The following TDRD3 variants were observed in gnomAD, a reference collection of about 807,000 sequenced individuals.
The protein encoded by TDRD3 is tudor domain containing 3.
Under a neutral mutation model 86.7 loss-of-function variants are expected in TDRD3, and 45 were observed. The observed-to-expected ratio is 0.52, with a 90% CI of 0.41 to 0.67. The LOEUF is 0.67. TDRD3 is among the 30% of genes least tolerant of loss of function. The pLI, the probability that TDRD3 is intolerant of heterozygous loss-of-function variation, is 0.00. For synonymous variants in TDRD3, 298 were observed against 301.7 expected (o/e 0.99, Z 0.13); for missense variants, 814 against 889.0 (o/e 0.92, Z 1.07).
chr13:60,549,462 T>C (rs375178352), intron 12 of TDRD3, among the ~76,000 whole-genome samples: 1 of 152,106 alleles, frequency 6.6e-6, no homozygotes, highest in East Asian at 1.9e-4. Context: ...AACATTAATA[T>C]AATCCTAAAA....
chr13:60,517,369 G>A (rs1397495716), intron 10 of TDRD3, among the ~76,000 whole-genome samples: 1 of 152,130 alleles, frequency 6.6e-6, no homozygotes, highest in Admixed American at 6.6e-5. Flanking sequence ...TAGGCTAGAT[G>A]TTATTGTGAG....
intron 5 of TDRD3, among the ~76,000 whole-genome samples, chr13:60,477,859 T>G (rs1956219307): frequency 6.6e-6 from 1 of 152,206 alleles, no homozygotes; most frequent in South Asian, 2.1e-4. Flanking sequence ...TTGCCAGATT[T>G]TGACATCAGG....
At chr13:60,510,884 C>A in intron 10 of TDRD3, 129 bp downstream of exon 10, 2 of 872,692 alleles carry the variant, frequency 2.3e-6, no homozygotes, top group South Asian at 2.6e-5. Context: ...ATAATATGAA[C>A]GTATATCCTG....
intron 10 of TDRD3, among the ~76,000 whole-genome samples, chr13:60,524,022 T>C (rs1213914810): frequency 1.3e-5 from 2 of 152,088 alleles, no homozygotes; most frequent in Non-Finnish European, 2.9e-5. Flanking sequence ...TGTACTCTGC[T>C]GACTGTACAG....
At chr13:60,529,303 T>A (rs1957528737) in intron 11 of TDRD3, 86 bp downstream of exon 11, 2 of 1,420,422 alleles carry the variant, frequency 1.4e-6, no homozygotes, top group East Asian at 2.3e-5. Context: ...ACTTTGGAAC[T>A]ATGAGTCTTT....
chr13:60,404,193 A>C (rs968231353), intron 1 of TDRD3, among the ~76,000 whole-genome samples: 1 of 152,038 alleles, frequency 6.6e-6, no homozygotes, highest in Non-Finnish European at 1.5e-5. Context: ...AAGGCACTGT[A>C]TATGTTTTCT....
intron 10 of TDRD3, among the ~76,000 whole-genome samples, chr13:60,523,069 G>A (rs1383505833): frequency 6.6e-6 from 1 of 152,104 alleles, no homozygotes; most frequent in Non-Finnish European, 1.5e-5. Context: ...AGGATTACAT[G>A]AAATTATGTA....
chr13:60,435,370 C>G (rs1417413743), intron 1 of TDRD3, among the ~76,000 whole-genome samples: 1 of 152,088 alleles, frequency 6.6e-6, no homozygotes, highest in Non-Finnish European at 1.5e-5. Context: ...ACCCATCACT[C>G]AAGCAGTGTA....
intron 12 of TDRD3, among the ~76,000 whole-genome samples, chr13:60,559,075 A>G (rs955551654): frequency 2.6e-5 from 4 of 151,690 alleles, no homozygotes; most frequent in African/African-American, 9.7e-5. Flanking sequence ...TGAAGTAGGT[A>G]AACAAACTCA....
intron 8 of TDRD3, 102 bp from the exon 9 acceptor site, chr13:60,509,661 G>A (rs749206104): frequency 8.8e-6 from 12 of 1,370,694 alleles, no homozygotes; most frequent in Non-Finnish European, 1.1e-5. Context: ...TTTTACATAA[G>A]TATGGGATGT....
chr13:60,523,152 G>A (rs1404927437), intron 10 of TDRD3, among the ~76,000 whole-genome samples: 1 of 152,058 alleles, frequency 6.6e-6, no homozygotes, highest in Non-Finnish European at 1.5e-5. Flanking sequence ...TCTTCAGGTA[G>A]GTGTATCAGA....
At chr13:60,521,501 C>G (rs1253026269) in intron 10 of TDRD3, among the ~76,000 whole-genome samples, 1 of 151,990 alleles carries the variant, frequency 6.6e-6, no homozygotes, top group Non-Finnish European at 1.5e-5. Flanking sequence ...GAATGAGATA[C>G]CTATAGTCAC....
chr13:60,462,869 A>G (rs1360601346), intron 4 of TDRD3, among the ~76,000 whole-genome samples: 5 of 152,192 alleles, frequency 3.3e-5, no homozygotes, highest in Admixed American at 6.5e-5. Context: ...TTCAAACTAC[A>G]CTACAAATCT....
chr13:60,501,019 A>G (rs1318558346), intron 8 of TDRD3, among the ~76,000 whole-genome samples: 1 of 152,174 alleles, frequency 6.6e-6, no homozygotes, highest in East Asian at 1.9e-4. Flanking sequence ...ACCAAGGCTG[A>G]CCTGGCTATG....
chr13:60,528,352 A>G lies in TDRD3; in HGVS notation c.1142-15A>G. 1 of 1,584,468 alleles carries G rather than the reference A, an allele frequency of 6.3e-7. No homozygotes were observed. The highest frequency in any genetic ancestry group is 1.2e-5 in the South Asian group (1 of 85,958). On this transcript the variant is annotated splice_polypyrimidine_tract_variant and intron_variant, in intron 10 of 13. Transcript: ENST00000377881. The stretch of plus-strand genomic sequence containing the variant: ...CTTCATCTTAATTTGCATATGGTAT[A>G]CTTTTACCTTTCAGAACCTAAATCA...
At chr13:60,509,275 C>T (rs1333137980) in intron 8 of TDRD3, among the ~76,000 whole-genome samples, 1 of 151,668 alleles carries the variant, frequency 6.6e-6, no homozygotes, top group East Asian at 1.9e-4. Flanking sequence ...GATAGTATTG[C>T]TAATGAATAT....
chr13:60,509,055 A>G (rs371559720), intron 8 of TDRD3, among the ~76,000 whole-genome samples: 74 of 152,292 alleles, frequency 4.9e-4, no homozygotes, highest in Middle Eastern at 3.4e-3. Context: ...CAGGAAAACA[A>G]TGTATAAACA....
intron 2 of TDRD3, among the ~76,000 whole-genome samples, chr13:60,441,113 A>G (rs977829877): frequency 6.6e-6 from 1 of 152,148 alleles, no homozygotes; most frequent in African/African-American, 2.4e-5. Context: ...CTAATTTTTT[A>G]ATAATAAGCA....
chr13:60,466,345 T>C (rs1955927695), intron 4 of TDRD3, among the ~76,000 whole-genome samples: 1 of 152,214 alleles, frequency 6.6e-6, no homozygotes, highest in Non-Finnish European at 1.5e-5. Context: ...TCAAATCTTA[T>C]ATAGCATAGC....
Sources: allele counts gnomAD v4.1 joint callset (sites outside exome capture counted in the v4.1 genomes callset), GRCh38; gene constraint gnomAD v4.1.1; transcripts MANE v1.5; gene names NCBI Gene and HGNC (gene_info 2026-07-23, HGNC 2026-07-21).